Variants in CCDC81 observed in about 807,000 individuals in gnomAD.
The protein encoded by CCDC81 is coiled-coil domain-containing protein 81.
CCDC81 carries 79 observed loss-of-function variants against 83.7 expected under a neutral mutation model. That is an observed-to-expected ratio of 0.94 (90% confidence interval 0.79 to 1.14). The LOEUF (loss-of-function observed/expected upper bound fraction) is 1.14, where lower values mean the gene tolerates loss of function less well. Among genes scored for constraint, CCDC81 ranks in the 50% most tolerant of loss-of-function variants. CCDC81 has a pLI of 0.00. For synonymous variants in CCDC81, 252 were observed against 278.1 expected (o/e 0.91, Z 0.93); for missense variants, 791 against 778.1 (o/e 1.02, Z -0.20).
intron 3 of CCDC81, among the ~76,000 whole-genome samples, chr11:86,390,181 C>T (rs890539045): frequency 1.3e-5 from 2 of 152,192 alleles, no homozygotes; most frequent in Non-Finnish European, 2.9e-5. Flanking sequence ...GGATCAAATG[C>T]TATGACGCCC....
At chr11:86,404,566 T>C (rs1948539555) in intron 7 of CCDC81, among the ~76,000 whole-genome samples, 1 of 152,052 alleles carries the variant, frequency 6.6e-6, no homozygotes, top group South Asian at 2.1e-4. Flanking sequence ...AAAGACCACA[T>C]GGAAATAAGC....
chr11:86,393,063 G>GT (rs1306339499), intron 4 of CCDC81, among the ~76,000 whole-genome samples: 2 of 152,056 alleles, frequency 1.3e-5, no homozygotes, highest in Non-Finnish European at 2.9e-5. Context: ...TACCTTATAG[G>GT]TTTTTTGTTT....
At chr11:86,386,370 G>A (rs1948241497) in intron 2 of CCDC81, among the ~76,000 whole-genome samples, 2 of 152,172 alleles carry the variant, frequency 1.3e-5, no homozygotes, top group Admixed American at 6.5e-5. Context: ...GTTACAGAGT[G>A]TAGTGCTGAT....
At chr11:86,392,001 C>T (rs1167096836) in intron 3 of CCDC81, among the ~76,000 whole-genome samples, 1 of 152,148 alleles carries the variant, frequency 6.6e-6, no homozygotes, top group Non-Finnish European at 1.5e-5. Context: ...CATGATAGCT[C>T]ACTCATTATC....
At chr11:86,416,474 T>C (rs1427847590) in intron 13 of CCDC81, among the ~76,000 whole-genome samples, 1 of 152,238 alleles carries the variant, frequency 6.6e-6, no homozygotes, top group Admixed American at 6.5e-5. Flanking sequence ...AGTTATTTCC[T>C]AAACTTGGAG....
chr11:86,419,401 G>C (rs1045382007), intron 13 of CCDC81: 1 of 152,192 alleles, frequency 6.6e-6, no homozygotes, highest in African/African-American at 2.4e-5. Context: ...AAACATTCCT[G>C]TTTTATTTTC....
At position 86,411,649 on chromosome 11, in the gene CCDC81, TCTTC is replaced by T. The variant is rs1411403059; in HGVS notation, c.1219-732_1219-729del. 9.2e-5 allele frequency among the ~76,000 whole-genome samples: 14 copies of T among 152,192 alleles called. 1 individual carries two copies. The highest frequency in any genetic ancestry group is 3.4e-4 in the African/African-American group (14 of 41,446). The stretch of plus-strand genomic sequence containing the variant: ...GATTTCGCATGCACTCAGAATTCCT[TCTTC>T]CTTCCATCTGGATGTTGTAAATGCT... On this transcript the variant is annotated intron_variant, in intron 10 of 14. Coordinates refer to ENST00000445632, the MANE Select transcript of CCDC81 (RefSeq NM_001156474.2).
intron 1 of CCDC81, among the ~76,000 whole-genome samples, chr11:86,379,794 TA>T (rs2138487899): frequency 6.6e-6 from 1 of 152,120 alleles, no homozygotes; most frequent in South Asian, 2.1e-4. Context: ...ATGGGCAATA[TA>T]GTGAGACCTT....
chr11:86,406,203 G>A (rs924230229), intron 7 of CCDC81, among the ~76,000 whole-genome samples: 1 of 152,164 alleles, frequency 6.6e-6, no homozygotes, highest in African/African-American at 2.4e-5. Context: ...GCTCTTGAGT[G>A]CTGATTCTTG....
rs769006819 is a variant in CCDC81, at chr11:86,412,494, C to T, written c.1326C>T (p.Asn442=). 2.2e-5 allele frequency: 36 copies of T among 1,613,690 alleles called. No homozygotes were observed. Among genetic ancestry groups the T allele is most frequent in the Admixed American group, 3.3e-5 (2 of 59,958 alleles). The change falls in exon 11 of 15, where the codon AAC becomes AAT. Residue 442 remains asparagine (N), a synonymous_variant. Transcript: ENST00000445632. The stretch of plus-strand genomic sequence containing the variant: ...AACAAATGGATAACAGACAGGAAAA[C>T]GAAATAAAGCAAAGACAATACAGAG... ...LLKQMDNRQE[N]EIKQRQYREL... is the part of the protein sequence containing the mutation.
intron 5 of CCDC81, 99 bp from the exon 6 acceptor site, chr11:86,397,522 G>A: frequency 7.0e-7 from 1 of 1,429,256 alleles, no homozygotes; most frequent in South Asian, 1.4e-5. Context: ...GCTTATTTCA[G>A]AATCAGCCAG....
chr11:86,399,457 A>C (rs1948454224), intron 6 of CCDC81, among the ~76,000 whole-genome samples: 1 of 152,112 alleles, frequency 6.6e-6, no homozygotes, highest in Admixed American at 6.5e-5. Flanking sequence ...CTAGGACCAC[A>C]GGTGTGCGCC....
chr11:86,385,541 T>A (rs1593910599), intron 1 of CCDC81, among the ~76,000 whole-genome samples: 1 of 152,196 alleles, frequency 6.6e-6, no homozygotes, highest in African/African-American at 2.4e-5. Context: ...GAGAATAAAA[T>A]GCAGATTTGA....
chr11:86,384,447 G>A (rs962950793), intron 1 of CCDC81, among the ~76,000 whole-genome samples: 10 of 152,096 alleles, frequency 6.6e-5, no homozygotes, highest in Non-Finnish European at 1.2e-4. Flanking sequence ...TTATTAATGG[G>A]TGAGTGAGTT....
chr11:86,414,310 A>ATTT (rs1160936153), intron 11 of CCDC81: 2,936 of 144,680 alleles, frequency 0.02, 82 homozygotes, highest in African/African-American at 0.068. Context: ...AGCGTATGGA[A>ATTT]TTTTTTTTTT....
intron 2 of CCDC81, among the ~76,000 whole-genome samples, chr11:86,387,308 T>C (rs1948255845): frequency 6.6e-6 from 1 of 152,230 alleles, no homozygotes; most frequent in Non-Finnish European, 1.5e-5. Context: ...TGTCTGCAAA[T>C]CATCATGGAC....
intron 13 of CCDC81, among the ~76,000 whole-genome samples, chr11:86,417,795 T>A (rs1009058681): frequency 5.9e-5 from 9 of 152,056 alleles, no homozygotes; most frequent in African/African-American, 2.2e-4. Context: ...TCGCCCAGGC[T>A]GGAGTGCAGT....
intron 3 of CCDC81, among the ~76,000 whole-genome samples, chr11:86,390,869 A>G (rs1344335558): frequency 6.6e-6 from 1 of 152,168 alleles, no homozygotes; most frequent in Non-Finnish European, 1.5e-5. Flanking sequence ...ACATGTGGGG[A>G]TATTTAGGTA....
intron 11 of CCDC81, among the ~76,000 whole-genome samples, chr11:86,413,767 G>A (rs1948677622): frequency 6.6e-6 from 1 of 152,142 alleles, no homozygotes; most frequent in Non-Finnish European, 1.5e-5. Flanking sequence ...TTATGTAGGG[G>A]TGTCCCATGG....
Sources: allele counts gnomAD v4.1 joint callset (sites outside exome capture counted in the v4.1 genomes callset), GRCh38; gene constraint gnomAD v4.1.1; transcripts MANE v1.5; gene names NCBI Gene and HGNC (gene_info 2026-07-23, HGNC 2026-07-21).